CCDC169: variants seen among roughly 807,000 people sequenced by gnomAD.
CCDC169 encodes the protein coiled-coil domain-containing protein 169.
Under a neutral mutation model 36.0 loss-of-function variants are expected in CCDC169, and 30 were observed. The observed-to-expected ratio is 0.83, with a 90% CI of 0.62 to 1.13. The LOEUF (loss-of-function observed/expected upper bound fraction) is 1.13, where lower values mean the gene tolerates loss of function less well. CCDC169 is among the 50% of genes most tolerant of loss of function. The pLI, the probability that CCDC169 is intolerant of heterozygous loss-of-function variation, is 0.00. For synonymous variants in CCDC169, 85 were observed against 81.5 expected, an observed-to-expected ratio of 1.04 and a Z score of -0.23; for missense variants, 245 against 245.9, an observed-to-expected ratio of 1.00 and a Z score of 0.03.
At chr13:36,258,723 A>G (rs1407536352) in intron 4 of CCDC169, among the ~76,000 whole-genome samples, 2 of 144,372 alleles carry the variant, frequency 1.4e-5, no homozygotes, top group African/African-American at 5.0e-5. Flanking sequence ...TCAAGAAATA[A>G]GCACAAAAAT....
intron 4 of CCDC169, among the ~76,000 whole-genome samples, chr13:36,273,446 T>C (rs189036276): frequency 1.3e-5 from 2 of 152,218 alleles, no homozygotes; most frequent in East Asian, 3.9e-4. Context: ...AATGATGTAA[T>C]AGTTATAAAA....
downstream of CCDC169, chr13:36,226,555 A>G (rs1869886945): frequency 6.6e-6 from 1 of 152,242 alleles, no homozygotes; most frequent in African/African-American, 2.4e-5. Context: ...ATGGATGGGT[A>G]ACAGTCCACG....
At chr13:36,231,575 T>G (rs1870434971) in intron 7 of CCDC169, among the ~76,000 whole-genome samples, 1 of 152,210 alleles carries the variant, frequency 6.6e-6, no homozygotes, top group Non-Finnish European at 1.5e-5. Flanking sequence ...TTCTGTCTAA[T>G]GAGGATAAGA....
chr13:36,265,889 T>C (rs1405206073), intron 4 of CCDC169, among the ~76,000 whole-genome samples: 4 of 152,226 alleles, frequency 2.6e-5, no homozygotes, highest in African/African-American at 9.6e-5. Context: ...AATTTGGTCA[T>C]AGATTTCCAC....
At chr13:36,278,651 C>T (rs962334435) in intron 4 of CCDC169, among the ~76,000 whole-genome samples, 3 of 152,050 alleles carry the variant, frequency 2.0e-5, no homozygotes, top group African/African-American at 4.8e-5. Flanking sequence ...CAATATTTTT[C>T]CTTCTCAATA....
At chr13:36,240,215 A>G (rs995193622) in intron 7 of CCDC169, among the ~76,000 whole-genome samples, 4 of 151,942 alleles carry the variant, frequency 2.6e-5, no homozygotes, top group African/African-American at 9.7e-5. Flanking sequence ...ATGACTTAAG[A>G]ATTTCCATAG....
downstream of CCDC169, chr13:36,223,414 T>C (rs1399913900): frequency 6.6e-6 from 1 of 152,178 alleles, no homozygotes; most frequent in Non-Finnish European, 1.5e-5. Flanking sequence ...ATTTTCTGTA[T>C]TTCTGTAGCT....
intron 4 of CCDC169, chr13:36,267,033 A>G (rs1875405352): frequency 6.6e-6 from 1 of 152,284 alleles, no homozygotes; most frequent in Admixed American, 6.5e-5. Context: ...AGGGAGCAGG[A>G]GGAGGCCAGG....
chr13:36,275,374 T>A (rs1263351152), intron 4 of CCDC169, among the ~76,000 whole-genome samples: 1 of 152,140 alleles, frequency 6.6e-6, no homozygotes, highest in Non-Finnish European at 1.5e-5. Flanking sequence ...AAATGCCCCC[T>A]TGTGGACAGC....
intron 2 of CCDC169, among the ~76,000 whole-genome samples, chr13:36,287,108 A>G (rs748535247): frequency 6.6e-6 from 1 of 152,188 alleles, no homozygotes; most frequent in Non-Finnish European, 1.5e-5. Flanking sequence ...AGAAAAATTT[A>G]GAGCTCAAAT....
chr13:36,296,678 A>C (rs1350848901), intron 1 of CCDC169, among the ~76,000 whole-genome samples: 1 of 152,250 alleles, frequency 6.6e-6, no homozygotes. Flanking sequence ...AATACGGAAG[A>C]ATTCAGTGAA....
At chr13:36,291,369 T>C (rs1878874188) in intron 2 of CCDC169, among the ~76,000 whole-genome samples, 1 of 152,250 alleles carries the variant, frequency 6.6e-6, no homozygotes, top group Non-Finnish European at 1.5e-5. Context: ...TAAACAGTTA[T>C]GCCTTTATAG....
At chr13:36,270,755 T>C (rs1204450546) in intron 4 of CCDC169, among the ~76,000 whole-genome samples, 3 of 151,770 alleles carry the variant, frequency 2.0e-5, no homozygotes, top group Non-Finnish European at 4.4e-5. Flanking sequence ...ATCTCTTACC[T>C]TCTATAAAAA....
chr13:36,235,888 T>A (rs1871014550), intron 7 of CCDC169, among the ~76,000 whole-genome samples: 1 of 151,928 alleles, frequency 6.6e-6, no homozygotes, highest in Non-Finnish European at 1.5e-5. Context: ...AATTTAAAAC[T>A]TAATTCTGTT....
At chr13:36,230,094 T>C (rs1342496711), downstream of CCDC169, among the ~76,000 whole-genome samples, 1 of 152,208 alleles carries the variant, frequency 6.6e-6, no homozygotes, top group Non-Finnish European at 1.5e-5. Flanking sequence ...ATATTCTTCC[T>C]TAAGGAAAGA....
intron 4 of CCDC169, among the ~76,000 whole-genome samples, chr13:36,257,743 T>C (rs1445636167): frequency 6.6e-6 from 1 of 152,010 alleles, no homozygotes; most frequent in African/African-American, 2.4e-5. Context: ...CCTTACTAGA[T>C]TGAGCTCCTT....
intron 4 of CCDC169, among the ~76,000 whole-genome samples, chr13:36,259,902 G>C (rs191961984): frequency 8.7e-4 from 132 of 152,342 alleles, no homozygotes; most frequent in Non-Finnish European, 1.5e-3. Context: ...GCCAGGGACT[G>C]GGCGCAGGGA....
intron 4 of CCDC169, among the ~76,000 whole-genome samples, chr13:36,275,168 G>C (rs976776897): frequency 2.0e-5 from 3 of 151,444 alleles, no homozygotes; most frequent in African/African-American, 7.3e-5. Flanking sequence ...CGCTCGGCCT[G>C]CATATTATTT....
At chr13:36,282,242 C>T (rs1454736258) in intron 4 of CCDC169, among the ~76,000 whole-genome samples, 3 of 152,232 alleles carry the variant, frequency 2.0e-5, no homozygotes, top group East Asian at 3.9e-4. Flanking sequence ...CTAATTTAAG[C>T]CCTTTTCCCT....
Sources: allele counts gnomAD v4.1 joint callset (sites outside exome capture counted in the v4.1 genomes callset), GRCh38; gene constraint gnomAD v4.1.1; transcripts MANE v1.5; gene names NCBI Gene and HGNC (gene_info 2026-07-23, HGNC 2026-07-21).